MAGI2: variants seen among roughly 807,000 people sequenced by gnomAD.
The protein encoded by MAGI2 is membrane associated guanylate kinase, WW and PDZ domain containing 2, also known as membrane-associated guanylate kinase, WW and PDZ domain-containing protein 2.
MAGI2 carries 35 observed loss-of-function variants against 133.3 expected under a neutral mutation model. The observed-to-expected ratio is 0.26, with a 90% confidence interval of 0.20 to 0.35. The LOEUF (loss-of-function observed/expected upper bound fraction) is 0.35, where lower values mean the gene tolerates loss of function less well. Ranked by LOEUF, MAGI2 falls within the 10% of genes least tolerant of loss-of-function variation. MAGI2 has a pLI of 1.00. For synonymous variants in MAGI2, 729 were observed against 710.6 expected (o/e 1.03, Z -0.41); for missense variants, 1,636 against 1,863.4 (o/e 0.88, Z 2.25).
intron 2 of MAGI2, among the ~76,000 whole-genome samples, chr7:78,840,085 C>G (rs971416138): frequency 6.6e-6 from 1 of 151,844 alleles, no homozygotes; most frequent in Non-Finnish European, 1.5e-5. Flanking sequence ...GTTTAGTTCA[C>G]TTAATTTTTT....
chr7:78,196,252 C>T (rs1828720730), intron 11 of MAGI2, among the ~76,000 whole-genome samples: 1 of 151,996 alleles, frequency 6.6e-6, no homozygotes, highest in South Asian at 2.1e-4. Context: ...TGCTGACCGC[C>T]CTGTCCCTCC....
At chr7:78,791,348 A>C (rs914554261) in intron 2 of MAGI2, among the ~76,000 whole-genome samples, 1 of 152,122 alleles carries the variant, frequency 6.6e-6, no homozygotes, top group African/African-American at 2.4e-5. Context: ...TATATTGGAG[A>C]AATAGTTGAG....
At chr7:78,558,341 C>T (rs1020303225) in intron 3 of MAGI2, among the ~76,000 whole-genome samples, 2 of 152,086 alleles carry the variant, frequency 1.3e-5, no homozygotes, top group Non-Finnish European at 2.9e-5. Flanking sequence ...GGTTCAAATT[C>T]ACAGTAGCAA....
At chr7:79,340,676 C>A (rs1197828029) in intron 1 of MAGI2, among the ~76,000 whole-genome samples, 2 of 151,888 alleles carry the variant, frequency 1.3e-5, no homozygotes, top group Non-Finnish European at 2.9e-5. Flanking sequence ...TTGTTTTTTC[C>A]TAGACAAGCT....
chr7:78,043,243 T>C (rs1279829900), intron 21 of MAGI2, among the ~76,000 whole-genome samples: 4 of 152,210 alleles, frequency 2.6e-5, no homozygotes, highest in Admixed American at 6.5e-5. Flanking sequence ...CTCATAAAAA[T>C]AGTGTTTTTT....
chr7:78,655,463 A>AAAAAACAAAAAAC (rs1812113026), intron 2 of MAGI2, among the ~76,000 whole-genome samples: 1 of 145,704 alleles, frequency 6.9e-6, no homozygotes, highest in Non-Finnish European at 1.5e-5. Flanking sequence ...CCAAAAAAAA[A>AAAAAACAAAAAAC]AAAAAAAAAA....
intron 20 of MAGI2, among the ~76,000 whole-genome samples, chr7:78,100,411 G>T (rs909114559): frequency 6.6e-6 from 1 of 151,458 alleles, no homozygotes; most frequent in Non-Finnish European, 1.5e-5. Context: ...GAGTGCAGCT[G>T]TGTGAACATG....
At chr7:79,166,417 T>G (rs749549965) in intron 1 of MAGI2, among the ~76,000 whole-genome samples, 17 of 152,098 alleles carry the variant, frequency 1.1e-4, no homozygotes, top group Non-Finnish European at 2.1e-4. Context: ...AGTCGGTGAA[T>G]GTGGAGGAAG....
chr7:78,448,895 C>T lies in MAGI2; in HGVS notation c.1045+40866G>A, dbSNP rs78297269. Among the ~76,000 whole-genome samples the T allele has an allele frequency of 3.7e-4, 56 of 152,012 alleles. No homozygotes were observed. In the East Asian group the frequency reaches 0.01, roughly 28 times the overall value. On this transcript the variant is annotated intron_variant, in intron 6 of 21. Transcript: ENST00000354212. ...ACAAGCTTTATCAAGGAGTCAATGA[C>T]CCACAGAGAAGTAACACACAGTGTC...
chr7:79,109,804 C>G (rs1818761014), intron 1 of MAGI2, among the ~76,000 whole-genome samples: 1 of 151,810 alleles, frequency 6.6e-6, no homozygotes, highest in African/African-American at 2.4e-5. Context: ...TCTGCCTGGG[C>G]ACCCAGGCTT....
chr7:79,417,323 T>C (rs188185604), intron 1 of MAGI2, among the ~76,000 whole-genome samples: 28 of 152,276 alleles, frequency 1.8e-4, no homozygotes, highest in African/African-American at 6.5e-4. Flanking sequence ...CTCTCCTCCA[T>C]TGATAACATA....
At chr7:79,271,666 ATT>A (rs71518912) in intron 1 of MAGI2, among the ~76,000 whole-genome samples, 1 of 141,808 alleles carries the variant, frequency 7.1e-6, no homozygotes, top group Non-Finnish European at 1.5e-5. Context: ...GGTGTGAGTG[ATT>A]TTTTTTTTTT....
intron 16 of MAGI2, among the ~76,000 whole-genome samples, chr7:78,138,410 A>T (rs988418395): frequency 6.6e-6 from 1 of 152,182 alleles, no homozygotes; most frequent in African/African-American, 2.4e-5. Flanking sequence ...TTTAGTTAGG[A>T]TGTCACATCA....
At chr7:78,973,860 C>T (rs371094541) in intron 2 of MAGI2, among the ~76,000 whole-genome samples, 1 of 151,748 alleles carries the variant, frequency 6.6e-6, no homozygotes. Context: ...CTCCTCATTT[C>T]TTGGGATCAG....
At chr7:78,468,609 T>A (rs1379080881) in intron 6 of MAGI2, among the ~76,000 whole-genome samples, 2 of 152,174 alleles carry the variant, frequency 1.3e-5, no homozygotes, top group East Asian at 3.9e-4. Context: ...TTTTTTTAAA[T>A]TGGTTTCAAG....
chr7:79,338,945 T>A (rs1840689242), intron 1 of MAGI2, among the ~76,000 whole-genome samples: 1 of 152,150 alleles, frequency 6.6e-6, no homozygotes, highest in South Asian at 2.1e-4. Context: ...GCCACTCAAG[T>A]GGTATTAGCT....
chr7:79,435,212 A>C (rs1039949712), intron 1 of MAGI2, among the ~76,000 whole-genome samples: 1 of 152,232 alleles, frequency 6.6e-6, no homozygotes, highest in African/African-American at 2.4e-5. Context: ...ATGTGTCTCA[A>C]ATAAGTCAAC....
intron 2 of MAGI2, among the ~76,000 whole-genome samples, chr7:78,646,463 A>G (rs1810908178): frequency 6.6e-6 from 1 of 152,214 alleles, no homozygotes; most frequent in South Asian, 2.1e-4. Flanking sequence ...TCGACTATGT[A>G]AATTTAGCAT....
chr7:78,517,023 T>G (rs952827740), intron 4 of MAGI2, among the ~76,000 whole-genome samples: 5 of 152,200 alleles, frequency 3.3e-5, no homozygotes, highest in African/African-American at 1.2e-4. Context: ...GCTTAGGTGA[T>G]GCTGTCCAGT....
Sources: allele counts gnomAD v4.1 joint callset (sites outside exome capture counted in the v4.1 genomes callset), GRCh38; gene constraint gnomAD v4.1.1; transcripts MANE v1.5; gene names NCBI Gene and HGNC (gene_info 2026-07-23, HGNC 2026-07-21).